BCL7A: variants seen among roughly 807,000 people sequenced by gnomAD.
BCL7A encodes B-cell CLL/lymphoma 7 protein family member A.
Under a neutral mutation model 28.4 loss-of-function variants are expected in BCL7A, and 11 were observed. That is an observed-to-expected ratio of 0.39 (90% CI 0.24 to 0.64). The LOEUF is 0.64. BCL7A is among the 30% of genes least tolerant of loss of function. BCL7A has a pLI of 0.50. For missense variants in BCL7A, 222 were observed against 274.8 expected, an observed-to-expected ratio of 0.81 and a Z score of 1.36; for synonymous variants, 123 against 103.3, an observed-to-expected ratio of 1.19 and a Z score of -1.15.
chr12:122,050,459 G>A (rs1274233051), intron 4 of BCL7A, among the ~76,000 whole-genome samples: 1 of 152,190 alleles, frequency 6.6e-6, no homozygotes, highest in East Asian at 1.9e-4. Flanking sequence ...AGCCTTCGCT[G>A]CGTACAGTAT....
Position 122,043,953 on chromosome 12 carries a change from C to T in BCL7A, c.339C>T (p.Ser113=), listed in dbSNP as rs751249871. The change falls in exon 4 of 6, where the codon TCC becomes TCT. Residue 113 remains serine, a synonymous_variant. Transcript: ENST00000261822. Reference sequence around the variant, plus strand: ...TCAAACAGGAGAACAGCAGCAACTCCAGCCCCGCTCCAGAGCCCAACTCGG... The same window carrying T: ...TCAAACAGGAGAACAGCAGCAACTCTAGCCCCGCTCCAGAGCCCAACTCGG... The part of the protein sequence containing the change: ...SPIKQENSSN[S]SPAPEPNSAV... 1 of 1,614,002 alleles carries T rather than the reference C, an allele frequency of 6.2e-7. No homozygotes were observed. The highest frequency in any genetic ancestry group is 1.7e-5 in the Admixed American group (1 of 60,008).
chr12:122,042,104 G>T (rs1470304213), intron 3 of BCL7A, among the ~76,000 whole-genome samples: 3 of 150,818 alleles, frequency 2.0e-5, no homozygotes, highest in Admixed American at 6.6e-5. Flanking sequence ...TGCCTGAGAA[G>T]GGGGTGCAGG....
At chr12:122,053,666 GC>G (rs1884244571) in intron 4 of BCL7A, among the ~76,000 whole-genome samples, 1 of 151,948 alleles carries the variant, frequency 6.6e-6, no homozygotes, top group Non-Finnish European at 1.5e-5. Flanking sequence ...TGCCGCCACT[GC>G]CTCCTCCCAA....
chr12:122,058,379 C>T (rs921269751), intron 5 of BCL7A, among the ~76,000 whole-genome samples: 2 of 151,570 alleles, frequency 1.3e-5, no homozygotes, highest in Non-Finnish European at 2.9e-5. Flanking sequence ...AAAAAATTAG[C>T]CAGGCATGGT....
At chr12:122,052,782 A>G (rs531331038) in intron 4 of BCL7A, among the ~76,000 whole-genome samples, 20 of 136,050 alleles carry the variant, frequency 1.5e-4, no homozygotes, top group Admixed American at 1.3e-3. Context: ...TCCTGGGTTT[A>G]TGGGATTCTC....
rs770663749 is a variant in BCL7A, at chr12:122,022,130, G to C, written c.39G>C (p.Arg13=). Reference sequence around the variant, plus strand: ...CGGTTCGAGCCGAGACGAGGAGCCGGGCCAAAGATGATATCAAGAGGGTCA... The same window carrying C: ...CGGTTCGAGCCGAGACGAGGAGCCGCGCCAAAGATGATATCAAGAGGGTCA... ...GRSVRAETRS[R]AKDDIKRVMA... Residue 13 remains arginine, a synonymous_variant, in exon 1 of 6, where the codon CGG becomes CGC. Coordinates refer to ENST00000261822, the MANE Select transcript of BCL7A (RefSeq NM_001024808.3). 3 of 1,587,080 alleles carry C rather than the reference G, an allele frequency of 1.9e-6. No individual in the cohort carries two copies. The Admixed American group carries it at 5.1e-5, about 27-fold the overall frequency.
At chr12:122,036,712 CT>C (rs57516020) in intron 3 of BCL7A, among the ~76,000 whole-genome samples, 125 of 145,696 alleles carry the variant, frequency 8.6e-4, no homozygotes, top group Non-Finnish European at 1.1e-3. Context: ...CCTAAAGCTC[CT>C]TTTTTTTTTT....
chr12:122,032,787 G>A (rs937843372), intron 2 of BCL7A, among the ~76,000 whole-genome samples: 47 of 152,128 alleles, frequency 3.1e-4, no homozygotes, highest in African/African-American at 3.1e-4. Context: ...CTGTGCAGAC[G>A]GTGCCGAGAA....
intron 2 of BCL7A, among the ~76,000 whole-genome samples, chr12:122,035,069 C>T (rs1434045673): frequency 3.9e-5 from 6 of 152,160 alleles, no homozygotes; most frequent in Non-Finnish European, 2.9e-5. Flanking sequence ...AACAGGCAGG[C>T]TTATTTTCCA....
At position 122,060,892 on chromosome 12, in the gene BCL7A, G is replaced by GA; in HGVS notation, c.*1729_*1730insA. 1 of 223,700 alleles carries GA rather than the reference G, an allele frequency of 4.5e-6. No individual in the cohort carries two copies. The highest frequency in any genetic ancestry group is 6.5e-5 in the East Asian group (1 of 15,466). 13.9% of individuals were successfully genotyped at this position (223,700 alleles called of 1,614,324 possible). A position where few individuals can be genotyped will look rare whatever the true frequency, so the allele number is the denominator to read the frequency against. On this transcript the variant is annotated 3_prime_UTR_variant, in exon 6 of 6. Coordinates refer to ENST00000261822, the MANE Select transcript of BCL7A (RefSeq NM_001024808.3). Reference sequence around the variant, plus strand: ...CATGCAAAATGTCTCCTGAAATAAGGGAAAAAAAAAAAACCACAACTTTGA... The same window carrying GA: ...CATGCAAAATGTCTCCTGAAATAAGGAGAAAAAAAAAAAACCACAACTTTGA...
chr12:122,031,736 GGGGCTCCAGGA>G (rs747795892), intron 2 of BCL7A, among the ~76,000 whole-genome samples: 149 of 152,206 alleles, frequency 9.8e-4, no homozygotes, highest in African/African-American at 3.4e-3. Flanking sequence ...GTAGGGATGC[GGGGCTCCAGGA>G]GGGCTCCAGG....
At chr12:122,049,641 A>G (rs939675328) in intron 4 of BCL7A, among the ~76,000 whole-genome samples, 6 of 152,152 alleles carry the variant, frequency 3.9e-5, no homozygotes, top group Admixed American at 1.3e-4. Context: ...GCCATTCTCC[A>G]TATCAACTAT....
chr12:122,036,403 A>G (rs1883856050), intron 3 of BCL7A, among the ~76,000 whole-genome samples: 1 of 152,124 alleles, frequency 6.6e-6, no homozygotes, highest in Admixed American at 6.6e-5. Context: ...GTGAGACCCC[A>G]TCTCTTCAAA....
At chr12:122,054,994 G>A (rs767661630) in intron 5 of BCL7A, 68 bp downstream of exon 5, 6 of 1,612,518 alleles carry the variant, frequency 3.7e-6, no homozygotes, top group East Asian at 2.2e-5. Flanking sequence ...TCGGGGGTAC[G>A]TTGAAAGGTG....
intron 4 of BCL7A, among the ~76,000 whole-genome samples, chr12:122,047,848 C>A (rs1314959629): frequency 6.7e-6 from 1 of 148,768 alleles, no homozygotes; most frequent in Non-Finnish European, 1.5e-5. Flanking sequence ...GAAGCTATTT[C>A]TCTATCAGAA....
chr12:122,030,686 C>T lies in BCL7A; in HGVS notation c.93-14C>T, dbSNP rs754188615. 1.9e-6 allele frequency: 3 copies of T among 1,611,674 alleles called. No homozygotes were observed. Among genetic ancestry groups the T allele is most frequent in the Non-Finnish European group, 2.5e-6 (3 of 1,177,838 alleles). On this transcript the variant is annotated splice_polypyrimidine_tract_variant and intron_variant, in intron 1 of 5. Coordinates refer to ENST00000261822, the MANE Select transcript of BCL7A (RefSeq NM_001024808.3). ...AAGAGTCCCCGGTAACAGGCTCTTC[C>T]TCATCCTCCTCAGGGAGAAGAAATG... is the stretch of plus-strand genomic sequence containing the variant.
intron 4 of BCL7A, among the ~76,000 whole-genome samples, chr12:122,049,127 T>C (rs1884140770): frequency 7.3e-6 from 1 of 137,112 alleles, no homozygotes; most frequent in Non-Finnish European, 1.5e-5. Context: ...CTCAGGATAC[T>C]AAGGTAGGAA....
intron 1 of BCL7A, among the ~76,000 whole-genome samples, chr12:122,024,218 C>T (rs554162845): frequency 6.6e-6 from 1 of 152,356 alleles, no homozygotes; most frequent in African/African-American, 2.4e-5. Flanking sequence ...AGACCTCAGG[C>T]TTTGGGATCT....
chr12:122,055,162 G>A (rs1015908850), intron 5 of BCL7A, among the ~76,000 whole-genome samples: 4 of 152,194 alleles, frequency 2.6e-5, no homozygotes, highest in Non-Finnish European at 4.4e-5. Context: ...CCTCTGGGTC[G>A]GAGGAGGATG....
Sources: gnomAD v4.1 joint callset for allele counts (sites outside exome capture counted in the v4.1 genomes callset) on GRCh38, gnomAD v4.1.1 for gene constraint, MANE v1.5 for transcripts, NCBI Gene and HGNC (gene_info 2026-07-23, HGNC 2026-07-21) for gene names.